Variants in ASTN2 observed in about 807,000 individuals in gnomAD.
ASTN2 encodes astrotactin 2, also known as astrotactin-2.
Under a neutral mutation model 139.8 loss-of-function variants are expected in ASTN2, and 54 were observed. The ratio of observed to expected loss-of-function variants is 0.39; its 90% CI spans 0.31 to 0.48. The LOEUF is 0.48. Among genes scored for constraint, ASTN2 ranks in the 20% least tolerant of loss-of-function variants. ASTN2 has a pLI of 0.95. For missense variants in ASTN2, 1,565 were observed against 1,725.1 expected, an observed-to-expected ratio of 0.91 and a Z score of 1.64; for synonymous variants, 756 against 719.5, an observed-to-expected ratio of 1.05 and a Z score of -0.81.
intron 2 of ASTN2, among the ~76,000 whole-genome samples, chr9:117,274,956 G>A (rs1834151087): frequency 6.6e-6 from 1 of 152,204 alleles, no homozygotes; most frequent in African/African-American, 2.4e-5. Flanking sequence ...GACAGCATGG[G>A]CTCAAGGCTG....
intron 19 of ASTN2, among the ~76,000 whole-genome samples, chr9:116,546,929 C>T (rs1198522692): frequency 6.6e-6 from 1 of 152,194 alleles, no homozygotes; most frequent in African/African-American, 2.4e-5. Context: ...GTACTTTACC[C>T]AGCTGCCCGC....
intron 4 of ASTN2, among the ~76,000 whole-genome samples, chr9:117,125,640 T>C (rs537818438): frequency 6.6e-6 from 1 of 152,334 alleles, no homozygotes; most frequent in African/African-American, 2.4e-5. Flanking sequence ...GAGAGCCTGC[T>C]AGCTGCAAGA....
chr9:117,054,949 C>A (rs1386205915), intron 5 of ASTN2, among the ~76,000 whole-genome samples: 2 of 152,298 alleles, frequency 1.3e-5, no homozygotes, highest in East Asian at 3.9e-4. Context: ...ACAACCTAGA[C>A]CCCTTGCATG....
chr9:116,993,874 A>ATT (rs200536593), intron 7 of ASTN2, among the ~76,000 whole-genome samples: 8 of 134,356 alleles, frequency 6.0e-5, no homozygotes, highest in African/African-American at 2.2e-4. Flanking sequence ...ATATATATAT[A>ATT]TATTTTAACT....
At chr9:117,157,369 T>C (rs555699806) in intron 3 of ASTN2, among the ~76,000 whole-genome samples, 1 of 152,132 alleles carries the variant, frequency 6.6e-6, no homozygotes, top group East Asian at 1.9e-4. Flanking sequence ...CCAGGTGGCA[T>C]TTCAGAGTCA....
intron 10 of ASTN2, among the ~76,000 whole-genome samples, chr9:116,871,118 T>A (rs1007845965): frequency 3.3e-5 from 5 of 151,964 alleles, no homozygotes; most frequent in African/African-American, 1.2e-4. Flanking sequence ...ATTAGCTGGG[T>A]GTGGTGGTGG....
intron 5 of ASTN2, among the ~76,000 whole-genome samples, chr9:117,074,993 C>T (rs908022183): frequency 4.6e-5 from 7 of 152,164 alleles, no homozygotes; most frequent in Admixed American, 4.6e-4. Flanking sequence ...TGCTATACTA[C>T]ACCTCACCCA....
At chr9:117,035,639 T>C (rs2132641424) in intron 6 of ASTN2, among the ~76,000 whole-genome samples, 1 of 152,282 alleles carries the variant, frequency 6.6e-6, no homozygotes, top group East Asian at 1.9e-4. Context: ...AAGACCACTT[T>C]GGAGAGCTGT....
intron 7 of ASTN2, among the ~76,000 whole-genome samples, chr9:117,001,659 G>A (rs1417632349): frequency 6.6e-6 from 1 of 152,060 alleles, no homozygotes; most frequent in Non-Finnish European, 1.5e-5. Context: ...CTCTGCTAAA[G>A]CACCCTCCAT....
chr9:116,468,250 G>A (rs1302452536), intron 20 of ASTN2, among the ~76,000 whole-genome samples: 1 of 152,182 alleles, frequency 6.6e-6, no homozygotes, highest in Non-Finnish European at 1.5e-5. Context: ...AAAGAGATGA[G>A]AGCTAATTAC....
At chr9:117,268,086 C>A (rs1833977376) in intron 2 of ASTN2, among the ~76,000 whole-genome samples, 1 of 152,202 alleles carries the variant, frequency 6.6e-6, no homozygotes, top group African/African-American at 2.4e-5. Context: ...CCCTTCTAAA[C>A]TTACTTTCAT....
At chr9:116,469,897 A>G (rs1427434104) in intron 20 of ASTN2, among the ~76,000 whole-genome samples, 1 of 151,982 alleles carries the variant, frequency 6.6e-6, no homozygotes, top group African/African-American at 2.4e-5. Flanking sequence ...TGGGGATGCC[A>G]TTCTGAGGAT....
intron 13 of ASTN2, among the ~76,000 whole-genome samples, chr9:116,782,241 A>G (rs758516373): frequency 6.6e-6 from 1 of 152,190 alleles, no homozygotes; most frequent in East Asian, 1.9e-4. Context: ...AAAAAGCAAG[A>G]GTTGTAGAAG....
At chr9:117,036,966 C>A (rs1209907551) in intron 6 of ASTN2, among the ~76,000 whole-genome samples, 1 of 152,044 alleles carries the variant, frequency 6.6e-6, no homozygotes, top group Non-Finnish European at 1.5e-5. Context: ...GCATCATCTG[C>A]CTTAGTTTTC....
At chr9:117,314,994 A>G (rs546071484) in intron 1 of ASTN2, among the ~76,000 whole-genome samples, 1 of 147,962 alleles carries the variant, frequency 6.8e-6, no homozygotes, top group South Asian at 2.1e-4. Context: ...GCAATATATA[A>G]TAATATATTA....
chr9:116,939,402 A>C (rs906475410), intron 10 of ASTN2, among the ~76,000 whole-genome samples: 2 of 152,048 alleles, frequency 1.3e-5, no homozygotes, highest in African/African-American at 4.8e-5. Context: ...TTATTTAAAA[A>C]ATTTATTATT....
At chr9:117,358,688 G>T (rs1418095119) in intron 1 of ASTN2, among the ~76,000 whole-genome samples, 3 of 152,080 alleles carry the variant, frequency 2.0e-5, no homozygotes, top group African/African-American at 4.8e-5. Context: ...CTCTCTAGTA[G>T]TCCCAAGAGC....
Position 116,763,248 on chromosome 9 carries a change from C to G in ASTN2, c.2397-29725G>C, listed in dbSNP as rs115592647. On this transcript the variant is annotated intron_variant, in intron 13 of 22. Transcript: ENST00000313400. ...GCAGTAGGTGCTGAATAGTAATTCT[C>G]GCTGTTTTGGACACATGTGCTAGGG... Among the ~76,000 whole-genome samples, 3 of 152,298 alleles carry G rather than the reference C, an allele frequency of 2.0e-5. No homozygotes were observed. In the South Asian group the frequency reaches 6.2e-4, roughly 32 times the overall value.
chr9:116,948,783 G>GTTT (rs1564355547), intron 10 of ASTN2, among the ~76,000 whole-genome samples: 12 of 49,402 alleles, frequency 2.4e-4, no homozygotes, highest in Admixed American at 8.3e-4. Flanking sequence ...AAATAATTTG[G>GTTT]TGTTTTTTTT....
Sources: gnomAD v4.1 joint callset for allele counts (sites outside exome capture counted in the v4.1 genomes callset) on GRCh38, gnomAD v4.1.1 for gene constraint, MANE v1.5 for transcripts, NCBI Gene and HGNC (gene_info 2026-07-23, HGNC 2026-07-21) for gene names.